Variants in COL8A1 observed in about 807,000 individuals in gnomAD.
COL8A1 encodes collagen type VIII alpha 1 chain.
A neutral mutation model predicts 42.7 loss-of-function variants in COL8A1; 21 were observed. The ratio of observed to expected loss-of-function variants is 0.49; its 90% confidence interval spans 0.35 to 0.71. The LOEUF is 0.71. Ranked by LOEUF, COL8A1 falls within the 30% of genes least tolerant of loss-of-function variation. The pLI is 0.01. For synonymous variants in COL8A1, 367 were observed against 369.1 expected, an observed-to-expected ratio of 0.99 and a Z score of 0.06; for missense variants, 788 against 962.4, an observed-to-expected ratio of 0.82 and a Z score of 2.40.
At chr3:99,772,252 T>G (rs1941593596) in intron 2 of COL8A1, among the ~76,000 whole-genome samples, 1 of 152,220 alleles carries the variant, frequency 6.6e-6, no homozygotes, top group African/African-American at 2.4e-5. Flanking sequence ...TGTATAATTC[T>G]GGAAAAGGCA....
chr3:99,782,245 G>A (rs1941806464), intron 2 of COL8A1, among the ~76,000 whole-genome samples: 1 of 152,110 alleles, frequency 6.6e-6, no homozygotes, highest in Non-Finnish European at 1.5e-5. Flanking sequence ...AAGGGGGGTA[G>A]GGGGTGTACA....
chr3:99,793,670 A>G (rs1322134359), intron 3 of COL8A1, among the ~76,000 whole-genome samples: 1 of 152,258 alleles, frequency 6.6e-6, no homozygotes, highest in Non-Finnish European at 1.5e-5. Context: ...TGTTGATACA[A>G]GCAGCTTCAC....
chr3:99,791,791 T>C (rs1370464537), intron 3 of COL8A1, among the ~76,000 whole-genome samples: 1 of 152,218 alleles, frequency 6.6e-6, no homozygotes, highest in Admixed American at 6.5e-5. Flanking sequence ...GGAGAACTAC[T>C]GGATTTGGAA....
At position 99,756,493 on chromosome 3, in the gene COL8A1, A is replaced by G. The variant is rs183200385; in HGVS notation, c.-4+11472A>G. On this transcript the variant is annotated intron_variant, in intron 2 of 3. Transcript: ENST00000652472. The stretch of plus-strand genomic sequence containing the variant: ...TAAAATCATGCCTCCTGTTTAGGAC[A>G]TGTTTATAAATATGAATAATAGAAG... Among the ~76,000 whole-genome samples, 140 of 152,326 alleles carry G rather than the reference A, an allele frequency of 9.2e-4. 3 individuals carry two copies. The highest frequency in any genetic ancestry group is 8.0e-3 in the Admixed American group (123 of 15,290).
At chr3:99,768,440 C>A (rs1460366351) in intron 2 of COL8A1, among the ~76,000 whole-genome samples, 1 of 152,096 alleles carries the variant, frequency 6.6e-6, no homozygotes, top group East Asian at 1.9e-4. Context: ...TTAACAGCAC[C>A]CAAATGTAAT....
At chr3:99,727,946 T>C (rs1165792098) in intron 1 of COL8A1, among the ~76,000 whole-genome samples, 1 of 151,250 alleles carries the variant, frequency 6.6e-6, no homozygotes, top group African/African-American at 2.4e-5. Context: ...CAACAACCCT[T>C]CATGCTAAAA....
intron 2 of COL8A1, among the ~76,000 whole-genome samples, chr3:99,756,393 C>T (rs1404945601): frequency 6.6e-6 from 1 of 152,030 alleles, no homozygotes; most frequent in Non-Finnish European, 1.5e-5. Context: ...AATTCTGAAC[C>T]AGACCATGGT....
intron 3 of COL8A1, among the ~76,000 whole-genome samples, chr3:99,792,296 T>C (rs1289480229): frequency 6.6e-6 from 1 of 152,238 alleles, no homozygotes; most frequent in African/African-American, 2.4e-5. Flanking sequence ...TGGATCCTCA[T>C]ATCTCGAAAT....
chr3:99,706,907 CA>C (rs1469882774), intron 1 of COL8A1, among the ~76,000 whole-genome samples: 1 of 152,158 alleles, frequency 6.6e-6, no homozygotes, highest in East Asian at 1.9e-4. Flanking sequence ...GGAGCTACAC[CA>C]ATCTAGTTTG....
chr3:99,668,545 G>T (rs929385798), intron 1 of COL8A1, among the ~76,000 whole-genome samples: 4 of 151,984 alleles, frequency 2.6e-5, no homozygotes, highest in African/African-American at 7.2e-5. Context: ...CATTTCACAT[G>T]TATCTTTAAT....
chr3:99,785,590 C>T (rs928352339), intron 2 of COL8A1, among the ~76,000 whole-genome samples: 7 of 151,984 alleles, frequency 4.6e-5, no homozygotes, highest in African/African-American at 1.7e-4. Flanking sequence ...ATATGTTGAA[C>T]CTCAAGTACC....
At chr3:99,745,726 A>T (rs1258660310) in intron 2 of COL8A1, among the ~76,000 whole-genome samples, 1 of 152,216 alleles carries the variant, frequency 6.6e-6, no homozygotes, top group Admixed American at 6.5e-5. Flanking sequence ...ATATACTCAC[A>T]GCAAAAAATA....
intron 2 of COL8A1, among the ~76,000 whole-genome samples, chr3:99,786,247 T>C (rs911145535): frequency 2.6e-5 from 4 of 152,158 alleles, no homozygotes; most frequent in African/African-American, 7.2e-5. Context: ...CTGCTATACA[T>C]TGAATGTTTA....
chr3:99,781,452 G>T (rs192816183), intron 2 of COL8A1, among the ~76,000 whole-genome samples: 5 of 152,184 alleles, frequency 3.3e-5, no homozygotes, highest in African/African-American at 1.2e-4. Flanking sequence ...GTCATTCAGG[G>T]TTATATGATT....
intron 1 of COL8A1, among the ~76,000 whole-genome samples, chr3:99,742,295 G>A (rs1183676586): frequency 2.0e-5 from 3 of 152,138 alleles, no homozygotes; most frequent in African/African-American, 7.2e-5. Context: ...GTGTGGAGAA[G>A]AAAAAACAAA....
At chr3:99,785,148 C>T (rs1312181246) in intron 2 of COL8A1, among the ~76,000 whole-genome samples, 1 of 152,086 alleles carries the variant, frequency 6.6e-6, no homozygotes, top group Non-Finnish European at 1.5e-5. Flanking sequence ...ATTTAAAAAG[C>T]AACAAAATTG....
intron 1 of COL8A1, among the ~76,000 whole-genome samples, chr3:99,669,755 A>G (rs1014720739): frequency 2.0e-5 from 3 of 152,098 alleles, no homozygotes; most frequent in Admixed American, 6.6e-5. Flanking sequence ...AAAGAGATCG[A>G]CAGAGGGAAG....
At chr3:99,744,155 C>T (rs1180850154) in intron 1 of COL8A1, among the ~76,000 whole-genome samples, 4 of 152,172 alleles carry the variant, frequency 2.6e-5, no homozygotes, top group Non-Finnish European at 5.9e-5. Flanking sequence ...TGGTCTCAAT[C>T]TCCTGACCTC....
chr3:99,696,560 C>T (rs1271339952), intron 1 of COL8A1, among the ~76,000 whole-genome samples: 1 of 152,212 alleles, frequency 6.6e-6, no homozygotes, highest in Non-Finnish European at 1.5e-5. Flanking sequence ...GGGAACATCC[C>T]TCTGAGGGGA....
Sources: gnomAD v4.1 joint callset for allele counts (sites outside exome capture counted in the v4.1 genomes callset) on GRCh38, gnomAD v4.1.1 for gene constraint, MANE v1.5 for transcripts, NCBI Gene and HGNC (gene_info 2026-07-23, HGNC 2026-07-21) for gene names.